Variants in OTUD7A observed in about 807,000 individuals in gnomAD.
OTUD7A encodes OTU deubiquitinase 7A.
Under a neutral mutation model 65.7 loss-of-function variants are expected in OTUD7A, and 12 were observed. The observed-to-expected ratio is 0.18, with a 90% CI of 0.12 to 0.30. The LOEUF (loss-of-function observed/expected upper bound fraction) is 0.30, where lower values mean the gene tolerates loss of function less well. Among genes scored for constraint, OTUD7A ranks in the 10% least tolerant of loss-of-function variants. The pLI is 1.00. For missense variants in OTUD7A, 1,148 were observed against 1,304.8 expected (o/e 0.88, Z 1.85); for synonymous variants, 641 against 586.3 (o/e 1.09, Z -1.35).
At chr15:31,843,271 C>T (rs1331034587) in intron 1 of OTUD7A, among the ~76,000 whole-genome samples, 4 of 142,864 alleles carry the variant, frequency 2.8e-5, no homozygotes, top group Non-Finnish European at 4.5e-5. Flanking sequence ...AGTGACAAGA[C>T]ATTTTTTTTT....
chr15:31,808,136 C>CACAAAA (rs772574742), intron 1 of OTUD7A, among the ~76,000 whole-genome samples: 78 of 119,514 alleles, frequency 6.5e-4, no homozygotes, highest in African/African-American at 2.0e-3. Context: ...CACACACACA[C>CACAAAA]AAACAAATCC....
intron 3 of OTUD7A, among the ~76,000 whole-genome samples, chr15:31,621,489 T>G (rs190188023): frequency 1.3e-5 from 2 of 152,334 alleles, no homozygotes; most frequent in Admixed American, 1.3e-4. Flanking sequence ...AGTTAGCTTT[T>G]CTTGCTGAAT....
intron 1 of OTUD7A, among the ~76,000 whole-genome samples, chr15:31,709,876 T>C (rs1326178026): frequency 2.0e-5 from 3 of 152,094 alleles, no homozygotes; most frequent in Non-Finnish European, 2.9e-5. Context: ...TGGGAATGCT[T>C]CCATAGTTTA....
chr15:31,535,361 T>TTCC (rs1566908332), intron 5 of OTUD7A, among the ~76,000 whole-genome samples: 1 of 151,986 alleles, frequency 6.6e-6, no homozygotes, highest in Non-Finnish European at 1.5e-5. Flanking sequence ...CTTCCCCTTC[T>TTCC]GCCATGATTG....
At chr15:31,681,566 C>T (rs1461022828) in intron 1 of OTUD7A, among the ~76,000 whole-genome samples, 12 of 151,706 alleles carry the variant, frequency 7.9e-5, no homozygotes. Flanking sequence ...TTATCCAAAA[C>T]CTGCCTGAAT....
At position 31,776,201 on chromosome 15, in the gene OTUD7A, T is replaced by C. The variant is rs1265844364; in HGVS notation, c.-100+94306A>G. ...CCTTACCGCCTGGTACCGCTCCCAGTAGGGCCTGGCAAATGGCCTGGCTGT... is the reference window on the plus strand; with the variant it reads ...CCTTACCGCCTGGTACCGCTCCCAGCAGGGCCTGGCAAATGGCCTGGCTGT... On this transcript the variant is annotated intron_variant, in intron 1 of 12. Transcript: ENST00000307050. Among the ~76,000 whole-genome samples the C allele has an allele frequency of 5.3e-5, 8 of 152,196 alleles. 1 individual carries two copies. Among genetic ancestry groups the C allele is most frequent in the Non-Finnish European group, 1.0e-4 (7 of 68,028 alleles).
At chr15:31,870,313 G>A (rs1010300110) in intron 1 of OTUD7A, among the ~76,000 whole-genome samples, 194 bp downstream of exon 1, 3 of 146,988 alleles carry the variant, frequency 2.0e-5, no homozygotes, top group African/African-American at 7.3e-5. Flanking sequence ...ACGCGCCGGC[G>A]AGCCCAGCCG....
intron 1 of OTUD7A, among the ~76,000 whole-genome samples, chr15:31,844,479 A>G (rs932199728): frequency 9.2e-5 from 14 of 152,260 alleles, no homozygotes; most frequent in Non-Finnish European, 1.8e-4. Flanking sequence ...CCTGGGTGAC[A>G]GAGTGAGACT....
chr15:31,658,178 C>A (rs1398407821), intron 1 of OTUD7A, among the ~76,000 whole-genome samples: 1 of 152,136 alleles, frequency 6.6e-6, no homozygotes, highest in Non-Finnish European at 1.5e-5. Context: ...TTGTATCTCA[C>A]AGTTATTATG....
chr15:31,862,577 C>T (rs558446170), intron 1 of OTUD7A, among the ~76,000 whole-genome samples: 29 of 152,234 alleles, frequency 1.9e-4, no homozygotes, highest in Non-Finnish European at 3.1e-4. Flanking sequence ...AAGCGGAAAC[C>T]CCTGATAAAC....
chr15:31,850,287 A>G (rs1166162942), intron 1 of OTUD7A, among the ~76,000 whole-genome samples: 1 of 152,194 alleles, frequency 6.6e-6, no homozygotes, highest in East Asian at 1.9e-4. Context: ...GGAAACCATC[A>G]TTCTGAGCAA....
chr15:31,640,895 A>G (rs1891494695), intron 3 of OTUD7A, among the ~76,000 whole-genome samples: 3 of 152,054 alleles, frequency 2.0e-5, no homozygotes, highest in South Asian at 2.1e-4. Context: ...TTTCTAGTAC[A>G]CTATGCAATA....
At chr15:31,519,291 T>A (rs2041907153) in intron 8 of OTUD7A, among the ~76,000 whole-genome samples, 1 of 152,278 alleles carries the variant, frequency 6.6e-6, no homozygotes, top group South Asian at 2.1e-4. Context: ...TAATTCTGTT[T>A]ACGTGATATA....
At chr15:31,565,652 C>T (rs1490961772) in intron 4 of OTUD7A, among the ~76,000 whole-genome samples, 1 of 152,126 alleles carries the variant, frequency 6.6e-6, no homozygotes, top group African/African-American at 2.4e-5. Context: ...GAGGGTGAGA[C>T]CCTGTGAAAC....
intron 1 of OTUD7A, among the ~76,000 whole-genome samples, chr15:31,697,640 C>T (rs1893113970): frequency 6.6e-6 from 1 of 152,058 alleles, no homozygotes; most frequent in Non-Finnish European, 1.5e-5. Context: ...CTGAGTGTCT[C>T]CTCGTACCAG....
chr15:31,484,389 C>T lies in OTUD7A; in HGVS notation c.1707G>A (p.Glu569=). Reference sequence around the variant, plus strand: ...TGCCCTTGCGCGACTTGGCCTTCTTCTCCTTGCCCCGCTCGGCCGAGTCCC... The same window carrying T: ...TGCCCTTGCGCGACTTGGCCTTCTTTTCCTTGCCCCGCTCGGCCGAGTCCC... ...KNGDSAERGK[E]KKAKSRKGSK... The change falls in exon 13 of 13, where the codon GAG becomes GAA. Residue 569 remains glutamate, a synonymous_variant. Transcript: ENST00000307050. This position sits in a 1 kb window ranked among gnomAD's most constrained non-coding sequence, Gnocchi z 4.5. 3.7e-6 allele frequency: 6 copies of T among 1,601,252 alleles called. No homozygotes were observed. The highest frequency in any genetic ancestry group is 4.2e-6 in the Non-Finnish European group (5 of 1,179,686).
Position 31,484,362 on chromosome 15 carries a change from G to A in OTUD7A, c.1734C>T (p.Ser578=), listed in dbSNP as rs932357390. 6.2e-7 allele frequency: 1 copy of A among 1,601,174 alleles called. No homozygotes were observed. ...KEKKAKSRKG[S]KEESGASAST... ...TGGCCGACGCACCAGACTCCTCCTT[G>A]CTGCCCTTGCGCGACTTGGCCTTCT... Residue 578 remains serine (S), a synonymous_variant, in exon 13 of 13, where the codon AGC becomes AGT. Transcript: ENST00000307050. The surrounding 1 kb of genome is among the most constrained non-coding windows in gnomAD (Gnocchi z 4.5).
chr15:31,564,566 T>G (rs767052851), intron 4 of OTUD7A, among the ~76,000 whole-genome samples: 5 of 152,186 alleles, frequency 3.3e-5, no homozygotes, highest in Non-Finnish European at 7.4e-5. Flanking sequence ...AATATAGTTG[T>G]TAAGTTTTTA....
intron 6 of OTUD7A, among the ~76,000 whole-genome samples, chr15:31,530,492 T>C (rs1373215908): frequency 6.6e-6 from 1 of 152,192 alleles, no homozygotes; most frequent in Non-Finnish European, 1.5e-5. Flanking sequence ...ACGCCAGGTC[T>C]TTTCTTATGT....
Sources: allele counts gnomAD v4.1 joint callset (sites outside exome capture counted in the v4.1 genomes callset), GRCh38; gene constraint gnomAD v4.1.1; non-coding constraint Gnocchi (gnomAD v3.1); transcripts MANE v1.5; gene names NCBI Gene and HGNC (gene_info 2026-07-23, HGNC 2026-07-21).